The following HYDIN variants were observed in gnomAD, a reference collection of about 807,000 sequenced individuals.
HYDIN encodes HYDIN axonemal central pair apparatus protein.
HYDIN carries 132 observed loss-of-function variants against 403.9 expected under a neutral mutation model. That is an observed-to-expected ratio of 0.33 (90% CI 0.28 to 0.38). The LOEUF is 0.38. Among genes scored for constraint, HYDIN ranks in the 10% least tolerant of loss-of-function variants. The pLI is 1.00. For synonymous variants in HYDIN, 1,202 were observed against 1,891.7 expected (o/e 0.64, Z 9.46); for missense variants, 2,827 against 5,009.5 (o/e 0.56, Z 13.15).
chr16:71,052,844 C>A, intron 18 of HYDIN, among the ~76,000 whole-genome samples: 1 of 139,186 alleles, frequency 7.2e-6, no homozygotes. Flanking sequence ...GAGTAAGAAC[C>A]TGAAAAAAAA....
chr16:71,065,902 C>A (rs906618928), intron 15 of HYDIN, among the ~76,000 whole-genome samples: 1 of 152,092 alleles, frequency 6.6e-6, no homozygotes, highest in Non-Finnish European at 1.5e-5. Context: ...CAGATTACAC[C>A]AAAAATAAGG....
At chr16:71,067,235 C>G (rs781263956) in intron 15 of HYDIN, 55 bp downstream of exon 15, 1 of 985,922 alleles carries the variant, frequency 1.0e-6, no homozygotes, top group Non-Finnish European at 1.5e-6. Flanking sequence ...GGGAGGCAGC[C>G]CATTACTGGA....
chr16:71,218,477 A>C (rs990932302), intron 1 of HYDIN, among the ~76,000 whole-genome samples: 11 of 152,212 alleles, frequency 7.2e-5, no homozygotes, highest in African/African-American at 2.7e-4. Flanking sequence ...GAGGAGGAAA[A>C]GCTATTTGCC....
chr16:70,998,902 T>G (rs1237220397), intron 23 of HYDIN, among the ~76,000 whole-genome samples: 1 of 152,160 alleles, frequency 6.6e-6, no homozygotes, highest in African/African-American at 2.4e-5. Flanking sequence ...CAGTGCCTTC[T>G]CTAGCAGCAT....
intron 72 of HYDIN, 88 bp from the exon 73 acceptor site, chr16:70,855,363 T>C: frequency 1.5e-6 from 1 of 682,040 alleles, no homozygotes; most frequent in South Asian, 1.9e-5. Context: ...GCAAGACATT[T>C]AGAAGACATT....
chr16:70,997,724 C>T (rs1873641757), intron 23 of HYDIN, among the ~76,000 whole-genome samples: 1 of 150,598 alleles, frequency 6.6e-6, no homozygotes, highest in Non-Finnish European at 1.5e-5. Context: ...GAAGCCATGT[C>T]TGTCTGTCTC....
At chr16:71,194,449 G>A (rs532521957) in intron 1 of HYDIN, among the ~76,000 whole-genome samples, 2 of 152,266 alleles carry the variant, frequency 1.3e-5, no homozygotes, top group East Asian at 1.9e-4. Flanking sequence ...CTCTCAGAAA[G>A]AGCTGTTAGC....
intron 1 of HYDIN, among the ~76,000 whole-genome samples, chr16:71,225,937 T>C (rs1326637215): frequency 2.0e-5 from 3 of 152,220 alleles, no homozygotes; most frequent in African/African-American, 7.2e-5. Flanking sequence ...AAAGGAGGTA[T>C]ACCATGTTCA....
intron 1 of HYDIN, among the ~76,000 whole-genome samples, chr16:71,224,260 C>G (rs2040930749): frequency 6.6e-6 from 1 of 152,058 alleles, no homozygotes; most frequent in African/African-American, 2.4e-5. Context: ...CAAAGACATA[C>G]AGAGTGATGA....
At chr16:70,892,919 C>G (rs571777220) in intron 55 of HYDIN, among the ~76,000 whole-genome samples, 5 of 152,170 alleles carry the variant, frequency 3.3e-5, no homozygotes, top group Non-Finnish European at 7.4e-5. Flanking sequence ...GGGAGAGAGA[C>G]AGCAGGGAGG....
At chr16:71,174,680 T>C (rs890841276) in intron 5 of HYDIN, among the ~76,000 whole-genome samples, 27 of 152,204 alleles carry the variant, frequency 1.8e-4, no homozygotes, top group African/African-American at 6.0e-4. Context: ...CCTTCTCTCC[T>C]AGAAGGAACT....
At chr16:70,937,642 CCTGGAT>C (rs1332097822) in intron 44 of HYDIN, among the ~76,000 whole-genome samples, 1 of 117,932 alleles carries the variant, frequency 8.5e-6, no homozygotes, top group Non-Finnish European at 1.8e-5. Context: ...GGAACTCCAG[CCTGGAT>C]GACAGAGCAA....
intron 18 of HYDIN, among the ~76,000 whole-genome samples, chr16:71,054,979 C>T (rs542816186): frequency 1.3e-5 from 2 of 152,382 alleles, no homozygotes; most frequent in Admixed American, 1.3e-4. Context: ...TTTCAACACC[C>T]CTCTGCATAA....
At chr16:70,944,795 C>T (rs1054824600) in intron 41 of HYDIN, among the ~76,000 whole-genome samples, 2 of 152,058 alleles carry the variant, frequency 1.3e-5, no homozygotes, top group Non-Finnish European at 2.9e-5. Context: ...CTCTGTTGCC[C>T]AGGCTGGAGT....
At chr16:71,062,093 C>T (rs2082108581) in intron 17 of HYDIN, 76 bp downstream of exon 17, 11 of 1,134,660 alleles carry the variant, frequency 9.7e-6, no homozygotes, top group Non-Finnish European at 1.3e-5. Context: ...ATGGTGTGGG[C>T]CTCAAATGAG....
chr16:71,046,493 A>C (rs554956387), intron 18 of HYDIN, among the ~76,000 whole-genome samples: 1 of 151,664 alleles, frequency 6.6e-6, no homozygotes, highest in African/African-American at 2.4e-5. Context: ...CCCCAGAGGG[A>C]GATTTTTTCC....
chr16:71,049,761 A>C (rs1054818199), intron 18 of HYDIN, among the ~76,000 whole-genome samples: 1 of 145,800 alleles, frequency 6.9e-6, no homozygotes, highest in Admixed American at 6.9e-5. Flanking sequence ...GTGAGGTAAG[A>C]CTCAAGAATA....
chr16:71,215,286 G>A (rs955210070), intron 1 of HYDIN, among the ~76,000 whole-genome samples: 1 of 151,960 alleles, frequency 6.6e-6, no homozygotes, highest in Non-Finnish European at 1.5e-5. Flanking sequence ...AAGGAAGGAG[G>A]GAGGGAAAGA....
At chr16:71,088,588 T>G in intron 11 of HYDIN, 64 bp from the exon 12 acceptor site, 2 of 644,472 alleles carry the variant, frequency 3.1e-6, no homozygotes, top group Non-Finnish European at 5.6e-6. Flanking sequence ...CATATAAGCA[T>G]GTGTCTGTAC....
Sources: gnomAD v4.1 joint callset for allele counts (sites outside exome capture counted in the v4.1 genomes callset) on GRCh38, gnomAD v4.1.1 for gene constraint, MANE v1.5 for transcripts, NCBI Gene and HGNC (gene_info 2026-07-23, HGNC 2026-07-21) for gene names.